RBFOX1: variants seen among roughly 807,000 people sequenced by gnomAD.
RBFOX1 encodes the protein RNA binding protein fox-1 homolog 1.
In RBFOX1, 8 loss-of-function variants were observed where a neutral mutation model predicts 57.7. The observed-to-expected ratio is 0.14, with a 90% confidence interval of 0.08 to 0.25. The LOEUF (loss-of-function observed/expected upper bound fraction) is 0.25, where lower values mean the gene tolerates loss of function less well. RBFOX1 is among the 10% of genes least tolerant of loss of function. The probability of loss-of-function intolerance (pLI) is 1.00; values close to 1 mark genes in which losing one functional copy is unlikely to be tolerated. For missense variants in RBFOX1, 611 were observed against 548.5 expected (o/e 1.11, Z -1.14); for synonymous variants, 326 against 222.4 (o/e 1.47, Z -4.15).
At chr16:5,519,782 G>A (rs1290366549) in intron 2 of RBFOX1, among the ~76,000 whole-genome samples, 2 of 152,158 alleles carry the variant, frequency 1.3e-5, no homozygotes, top group Non-Finnish European at 2.9e-5. Flanking sequence ...GACAGCCTGG[G>A]CGACTTGTTC....
rs2063766566 is a variant in RBFOX1, at chr16:5,300,075, C to CT, written c.219+59976dup. 2.0e-5 allele frequency among the ~76,000 whole-genome samples: 3 copies of CT among 150,416 alleles called. No individual in the cohort carries two copies. In the East Asian group the frequency reaches 5.9e-4, roughly 29 times the overall value. ...GAGAAAATTGTAAGTTTTTTTTTCC[C>CT]TTTTTTCTCTTAGTGTGTTGAATTA... On this transcript the variant is annotated intron_variant, in intron 1 of 2. Transcript: ENST00000585867.
chr16:6,381,749 C>T (rs556348645), intron 2 of RBFOX1, among the ~76,000 whole-genome samples: 2 of 152,194 alleles, frequency 1.3e-5, no homozygotes, highest in Non-Finnish European at 2.9e-5. Flanking sequence ...CTGGGGCTAC[C>T]GCATCTGCTG....
intron 3 of RBFOX1, among the ~76,000 whole-genome samples, chr16:6,717,655 C>G (rs994448925): frequency 6.6e-6 from 1 of 151,656 alleles, no homozygotes; most frequent in Non-Finnish European, 1.5e-5. Flanking sequence ...TCTGTCAGCT[C>G]AGCAAGTGTC....
chr16:5,722,064 T>C (rs1052356139), intron 3 of RBFOX1, among the ~76,000 whole-genome samples: 3 of 152,230 alleles, frequency 2.0e-5, no homozygotes, highest in Non-Finnish European at 2.9e-5. Flanking sequence ...ATCCGAAGTA[T>C]TGAACTCTGT....
At chr16:6,299,239 C>G (rs377452812) in intron 1 of RBFOX1, among the ~76,000 whole-genome samples, 6 of 152,158 alleles carry the variant, frequency 3.9e-5, no homozygotes, top group African/African-American at 1.4e-4. Flanking sequence ...ACAGTGGACC[C>G]TTTTCCTATT....
At chr16:6,593,930 A>T (rs923121320) in intron 2 of RBFOX1, among the ~76,000 whole-genome samples, 4 of 152,090 alleles carry the variant, frequency 2.6e-5, no homozygotes, top group Admixed American at 6.5e-5. Context: ...TGTAGACTCC[A>T]CCCCAATGCT....
intron 3 of RBFOX1, among the ~76,000 whole-genome samples, chr16:6,871,857 C>G (rs565867474): frequency 7.9e-5 from 12 of 151,768 alleles, no homozygotes; most frequent in Admixed American, 5.9e-4. Context: ...TGTCCTAAAT[C>G]CGCATCTGAT....
intron 2 of RBFOX1, among the ~76,000 whole-genome samples, chr16:6,372,132 G>A (rs950088145): frequency 9.9e-5 from 15 of 151,866 alleles, no homozygotes; most frequent in African/African-American, 3.6e-4. Context: ...TGGGTGGGAG[G>A]ATAGTTCTTT....
chr16:7,649,712 A>G (rs2064544165), intron 11 of RBFOX1, among the ~76,000 whole-genome samples: 1 of 152,138 alleles, frequency 6.6e-6, no homozygotes, highest in Non-Finnish European at 1.5e-5. Context: ...TAGGTACCTG[A>G]TACCTGCTTG....
At position 5,912,264 on chromosome 16, in the gene RBFOX1, A is replaced by G. The variant is rs573343045; in HGVS notation, c.351+44929A>G. On this transcript the variant is annotated intron_variant, in intron 4 of 19. Transcript: ENST00000641259. ...GCATTTATAGTGATCAAATGAGGCA[A>G]GACCTGTCAGTTTCTCAGAATGAAG... 8.0e-4 allele frequency among the ~76,000 whole-genome samples: 122 copies of G among 152,288 alleles called. 2 individuals carry two copies. The Middle Eastern group carries it at 0.024, about 30-fold the overall frequency.
intron 1 of RBFOX1, among the ~76,000 whole-genome samples, chr16:6,056,817 C>T (rs147106779): frequency 6.7e-5 from 10 of 149,650 alleles, no homozygotes; most frequent in African/African-American, 2.5e-4. Context: ...CACTGGTTGA[C>T]TGGACATGTG....
intron 4 of RBFOX1, among the ~76,000 whole-genome samples, chr16:7,318,470 C>T (rs1400923039): frequency 1.3e-5 from 2 of 152,104 alleles, no homozygotes; most frequent in Non-Finnish European, 2.9e-5. Flanking sequence ...TCAAGTCTAC[C>T]ACTTACCACC....
intron 4 of RBFOX1, among the ~76,000 whole-genome samples, chr16:7,261,531 C>T (rs769770189): frequency 3.9e-5 from 6 of 152,108 alleles, no homozygotes; most frequent in Non-Finnish European, 5.9e-5. Flanking sequence ...AGATAACTAA[C>T]GGCAGTAACT....
intron 13 of RBFOX1, among the ~76,000 whole-genome samples, chr16:7,667,769 CT>C (rs886738860): frequency 6.6e-6 from 1 of 152,106 alleles, no homozygotes; most frequent in African/African-American, 2.4e-5. Flanking sequence ...CCTCTGCCCC[CT>C]GGAAGCAATT....
At chr16:5,671,813 A>G (rs2050020057) in intron 3 of RBFOX1, among the ~76,000 whole-genome samples, 1 of 152,206 alleles carries the variant, frequency 6.6e-6, no homozygotes, top group Non-Finnish European at 1.5e-5. Flanking sequence ...ATAATTTAAA[A>G]TGACTATTCA....
At chr16:5,307,574 G>A (rs922968578) in intron 1 of RBFOX1, among the ~76,000 whole-genome samples, 4 of 152,190 alleles carry the variant, frequency 2.6e-5, no homozygotes, top group African/African-American at 7.2e-5. Flanking sequence ...ACATTTTGAT[G>A]CAGTCACCAA....
At chr16:5,477,658 A>G (rs930485458) in intron 2 of RBFOX1, among the ~76,000 whole-genome samples, 3 of 152,000 alleles carry the variant, frequency 2.0e-5, no homozygotes, top group Non-Finnish European at 2.9e-5. Context: ...CTCATTGCAA[A>G]TCTTCCTATC....
chr16:6,226,714 CTTG>C, intron 1 of RBFOX1, among the ~76,000 whole-genome samples: 1 of 152,222 alleles, frequency 6.6e-6, no homozygotes, highest in East Asian at 1.9e-4. Flanking sequence ...TTTCCATTAT[CTTG>C]CTGGCTGTAG....
At chr16:6,508,814 C>A (rs1362870330) in intron 2 of RBFOX1, among the ~76,000 whole-genome samples, 1 of 149,790 alleles carries the variant, frequency 6.7e-6, no homozygotes, top group East Asian at 2.0e-4. Flanking sequence ...TAGGTTGATA[C>A]AAAAGTAATC....
Sources: gnomAD v4.1 joint callset for allele counts (sites outside exome capture counted in the v4.1 genomes callset) on GRCh38, gnomAD v4.1.1 for gene constraint, MANE v1.5 for transcripts, NCBI Gene and HGNC (gene_info 2026-07-23, HGNC 2026-07-21) for gene names.